Variants in PBRM1 observed in about 807,000 individuals in gnomAD.
PBRM1 encodes the protein protein polybromo-1.
In PBRM1, 27 loss-of-function variants were observed where a neutral mutation model predicts 194.5. The observed-to-expected ratio is 0.14, with a 90% CI of 0.10 to 0.19. PBRM1 has a LOEUF of 0.19. Ranked by LOEUF, PBRM1 falls within the 10% of genes least tolerant of loss-of-function variation. PBRM1 has a pLI of 1.00. For missense variants in PBRM1, 1,466 were observed against 2,077.2 expected, an observed-to-expected ratio of 0.71 and a Z score of 5.72; for synonymous variants, 655 against 693.2, an observed-to-expected ratio of 0.94 and a Z score of 0.87.
chr3:52,587,393 A>T, exon 19 of PBRM1: 1 of 1,610,780 alleles, frequency 6.2e-7, no homozygotes, highest in Non-Finnish European at 8.5e-7. Context: ...AATTTTACTA[A>T]CTGGAACTTT....
At chr3:52,563,157 C>T (rs2084104613) in intron 24 of PBRM1, 126 bp downstream of exon 26, 1 of 567,688 alleles carries the variant, frequency 1.8e-6, no homozygotes, top group East Asian at 2.8e-5. Context: ...AAAATCTGTT[C>T]CTTCCTGCAG....
chr3:52,671,162 A>G (rs1447876415), intron 2 of PBRM1, among the ~76,000 whole-genome samples: 1 of 152,248 alleles, frequency 6.6e-6, no homozygotes, highest in Admixed American at 6.5e-5. Flanking sequence ...TGTTTCAGCC[A>G]TTGTTGATTT....
At chr3:52,651,173 T>C (rs1360833751) in intron 6 of PBRM1, among the ~76,000 whole-genome samples, 1 of 152,218 alleles carries the variant, frequency 6.6e-6, no homozygotes, top group East Asian at 1.9e-4. Flanking sequence ...AAAACAGTGC[T>C]AGGTACATAG....
At chr3:52,560,987 T>TA (rs958088634) in intron 25 of PBRM1, among the ~76,000 whole-genome samples, 5 of 152,026 alleles carry the variant, frequency 3.3e-5, no homozygotes, top group African/African-American at 9.7e-5. Flanking sequence ...TGAACCAATA[T>TA]ATAAAATTCC....
chr3:52,614,388 A>AAAAAAAAAAAAC (rs2094833130), intron 15 of PBRM1, among the ~76,000 whole-genome samples: 1 of 150,492 alleles, frequency 6.6e-6, no homozygotes, highest in Non-Finnish European at 1.5e-5. Context: ...AAAAAAAAAA[A>AAAAAAAAAAAAC]AAAAAAAAAA....
intron 17 of PBRM1, among the ~76,000 whole-genome samples, chr3:52,599,498 G>A (rs2153234130): frequency 6.6e-6 from 1 of 151,960 alleles, no homozygotes; most frequent in South Asian, 2.1e-4. Flanking sequence ...TCAGGGAAAT[G>A]CAAATCAAAT....
At chr3:52,641,446 C>CAAAAAAAAAAAAA (rs386396638) in intron 10 of PBRM1, among the ~76,000 whole-genome samples, 16 of 69,844 alleles carry the variant, frequency 2.3e-4, no homozygotes, top group Non-Finnish European at 3.4e-4. Flanking sequence ...GACTCCATCT[C>CAAAAAAAAAAAAA]AAAAAAAAAA....
exon 11 of PBRM1, chr3:52,634,684 G>T (rs748039131): frequency 1.9e-6 from 3 of 1,613,764 alleles, no homozygotes; most frequent in South Asian, 1.1e-5. Context: ...TGGTAAAAAG[G>T]TTCAGCTATT....
intron 22 of PBRM1, among the ~76,000 whole-genome samples, chr3:52,569,955 C>T (rs1438614534): frequency 6.6e-6 from 1 of 152,042 alleles, no homozygotes. Flanking sequence ...TAAGGACATC[C>T]CTATTTTGTT....
chr3:52,567,018 G>A (rs1163285291), intron 22 of PBRM1, among the ~76,000 whole-genome samples: 5 of 147,968 alleles, frequency 3.4e-5, no homozygotes, highest in Admixed American at 1.4e-4. Context: ...GCAGGGAGCC[G>A]AGACTGTGCC....
At chr3:52,671,490 T>C (rs1281220437) in intron 2 of PBRM1, among the ~76,000 whole-genome samples, 1 of 152,200 alleles carries the variant, frequency 6.6e-6, no homozygotes, top group African/African-American at 2.4e-5. Flanking sequence ...TACCACATAA[T>C]GGTTAAGAGC....
Position 52,609,896 on chromosome 3 carries a change from G to T in PBRM1, c.1984C>A (p.Leu662Ile). The stretch of plus-strand genomic sequence containing the variant: ...TTTACAGCTTCATAGACCTCATTTA[G>T]TTTCTGCTGCATTGGAGTCATGTAT... The change falls in exon 16 of 30, where the codon CTA (leucine) becomes ATA (isoleucine). Residue 662 changes from leucine to isoleucine, a missense_variant. Coordinates refer to ENST00000296302, the Ensembl canonical transcript of PBRM1. This position sits in a 1 kb window ranked among gnomAD's most constrained non-coding sequence, Gnocchi z 4.1. The T allele has an allele frequency of 6.4e-7, 1 of 1,565,254 alleles. No individual in the cohort carries two copies. The highest frequency in any genetic ancestry group is 8.6e-7 in the Non-Finnish European group (1 of 1,156,582).
intron 15 of PBRM1, 85 bp from the exon 18 acceptor site, chr3:52,610,040 T>G (rs2094529886): frequency 1.3e-6 from 1 of 772,836 alleles, no homozygotes; most frequent in Non-Finnish European, 1.9e-6. Context: ...CAAGGGACGA[T>G]TCCAAGTAAT....
chr3:52,586,545 A>G (rs2153770670), exon 20 of PBRM1: 1 of 1,614,170 alleles, frequency 6.2e-7, no homozygotes, highest in Non-Finnish European at 8.5e-7. Context: ...GCAGAGGCAC[A>G]TCCCGAGGGA....
chr3:52,671,436 T>C (rs561743624), intron 2 of PBRM1, among the ~76,000 whole-genome samples: 1 of 152,354 alleles, frequency 6.6e-6, no homozygotes, highest in African/African-American at 2.4e-5. Flanking sequence ...CGGTATCTTC[T>C]ATAAAAGTTG....
chr3:52,657,763 C>A (rs1172076229), intron 5 of PBRM1, among the ~76,000 whole-genome samples: 1 of 150,586 alleles, frequency 6.6e-6, no homozygotes, highest in Non-Finnish European at 1.5e-5. Flanking sequence ...AGCCACTGCG[C>A]CTGGCCCAAC....
intron 5 of PBRM1, among the ~76,000 whole-genome samples, chr3:52,655,900 C>G (rs112203310): frequency 6.6e-6 from 1 of 152,164 alleles, no homozygotes; most frequent in Non-Finnish European, 1.5e-5. Context: ...CAAAGTAATC[C>G]AAAGTCATCC....
intron 17 of PBRM1, among the ~76,000 whole-genome samples, chr3:52,594,909 T>C (rs1015349117): frequency 6.6e-6 from 1 of 152,222 alleles, no homozygotes; most frequent in Non-Finnish European, 1.5e-5. Context: ...CAATCTCTTC[T>C]TGGCTTGCAG....
chr3:52,558,471 T>C (rs1016875620), intron 25 of PBRM1, 58 bp from the exon 28 acceptor site: 11 of 1,398,738 alleles, frequency 7.9e-6, no homozygotes, highest in Middle Eastern at 4.5e-4. Flanking sequence ...CAAAATACCA[T>C]CCATTGCATT....
Sources: allele counts gnomAD v4.1 joint callset (sites outside exome capture counted in the v4.1 genomes callset), GRCh38; gene constraint gnomAD v4.1.1; non-coding constraint Gnocchi (gnomAD v3.1); transcripts MANE v1.5; gene names NCBI Gene and HGNC (gene_info 2026-07-23, HGNC 2026-07-21).